Variants in ANAPC5 observed in about 807,000 individuals in gnomAD.
ANAPC5 encodes anaphase-promoting complex subunit 5.
A neutral mutation model predicts 91.3 loss-of-function variants in ANAPC5; 60 were observed. The observed-to-expected ratio is 0.66, with a 90% CI of 0.53 to 0.81. The LOEUF (loss-of-function observed/expected upper bound fraction) is 0.81, where lower values mean the gene tolerates loss of function less well. ANAPC5 is among the 40% of genes least tolerant of loss of function. The pLI is 0.00. For synonymous variants in ANAPC5, 340 were observed against 364.1 expected (o/e 0.93, Z 0.75); for missense variants, 690 against 931.5 (o/e 0.74, Z 3.37).
At chr12:121,312,290 G>A (rs554040384) in intron 15 of ANAPC5, among the ~76,000 whole-genome samples, 10 of 152,212 alleles carry the variant, frequency 6.6e-5, no homozygotes, top group African/African-American at 2.2e-4. Context: ...CTGGCTGGGC[G>A]CAGTGGCTCA....
Position 121,348,046 on chromosome 12 carries a change from T to C in ANAPC5, c.208-165A>G, listed in dbSNP as rs141586075. 2.0e-5 allele frequency among the ~76,000 whole-genome samples: 3 copies of C among 152,320 alleles called. No individual in the cohort carries two copies. In the East Asian group the frequency reaches 5.8e-4, roughly 29 times the overall value. ...AAAACACTAAAGTAATACTTCACAT[T>C]TGCATACCATTTTTGTCTAGTCAGT... On this transcript the variant is annotated intron_variant, in intron 1 of 16. Coordinates refer to ENST00000261819, the MANE Select transcript of ANAPC5 (RefSeq NM_016237.5).
rs1457893939 is a variant in ANAPC5, at chr12:121,309,727, G to A, written c.2030C>T (p.Ser677Phe). 1 of 1,613,880 alleles carries A rather than the reference G, an allele frequency of 6.2e-7. No individual in the cohort carries two copies. Among genetic ancestry groups the A allele is most frequent in the African/African-American group, 1.3e-5 (1 of 74,900 alleles). The change falls in exon 16 of 17, where the codon TCC becomes TTC. Residue 677 changes from serine to phenylalanine, a missense_variant. This residue lies in a region of ANAPC5 where 317 missense variants were observed against 438.7 expected (regional missense o/e 0.72). Coordinates refer to ENST00000261819, the MANE Select transcript of ANAPC5 (RefSeq NM_016237.5). ...TTCTGCTTTCTTCGGCTGATCGTAG[G>A]AAGCTGCTGAAGCCACCTGGCACTT... ...VAKCQVASAA[S>F]YDQPKKAEAL...
At position 121,335,632 on chromosome 12, in the gene ANAPC5, G is replaced by C; in HGVS notation, c.851C>G (p.Thr284Ser). ...CCCATTACTTTTGCTTTCGGCTCCG[G>C]TAAGAATCAGACGATCAAAATAATG... ...LLHYFDRLIL[T>S]GAESKSNGEE... The change falls in exon 7 of 17, where the codon ACC becomes AGC. Residue 284 changes from threonine to serine, a missense_variant. Coordinates refer to ENST00000261819, the MANE Select transcript of ANAPC5 (RefSeq NM_016237.5). The C allele has an allele frequency of 3.1e-6, 5 of 1,614,146 alleles. No homozygotes were observed. Among genetic ancestry groups the C allele is most frequent in the Non-Finnish European group, 4.2e-6 (5 of 1,179,982 alleles).
chr12:121,314,320 ACCTGGGAGACAG>A (rs1374305002), intron 15 of ANAPC5, among the ~76,000 whole-genome samples: 4 of 152,106 alleles, frequency 2.6e-5, no homozygotes, highest in African/African-American at 2.4e-5. Flanking sequence ...AACTGCTTGA[ACCTGGGAGACAG>A]CCTGGGAGAC....
chr12:121,351,941 T>C (rs1452365815), intron 1 of ANAPC5, among the ~76,000 whole-genome samples, 193 bp downstream of exon 1: 1 of 150,428 alleles, frequency 6.6e-6, no homozygotes, highest in Non-Finnish European at 1.5e-5. Context: ...AAAAAATGCA[T>C]GTAAAGCGCC....
At chr12:121,338,984 T>C (rs1903345982) in intron 5 of ANAPC5, among the ~76,000 whole-genome samples, 1 of 151,866 alleles carries the variant, frequency 6.6e-6, no homozygotes, top group Non-Finnish European at 1.5e-5. Context: ...ATATGATATG[T>C]AACTTTATTT....
In ANAPC5 at chr12:121,342,273, G is replaced by C. The variant is rs142401708; in HGVS notation, c.591-204C>G. On this transcript the variant is annotated intron_variant, in intron 4 of 16. Transcript: ENST00000261819. This position sits in a 1 kb window ranked among gnomAD's most constrained non-coding sequence, Gnocchi z 4.1. ...AAGCCCTGGCATGCATGGTCAAATG[G>C]TTTTTGGCAACAGTGCCAAGACCAT... is the stretch of plus-strand genomic sequence containing the variant. Among the ~76,000 whole-genome samples the C allele has an allele frequency of 6.8e-3, 1,036 of 152,254 alleles. 13 individuals are homozygous for C. The highest frequency in any genetic ancestry group is 0.035 in the South Asian group (171 of 4,824).
In ANAPC5 at chr12:121,324,013, G is replaced by A. The variant is rs781786573; in HGVS notation, c.1440+3083C>T. On this transcript the variant is annotated intron_variant, in intron 11 of 16. Transcript: ENST00000261819. Reference sequence around the variant, plus strand: ...AAAAAGAATTCACTCTACCTCCTCTGGGTTGCAAGAGGAAGCTCAGAAAGC... The same window carrying A: ...AAAAAGAATTCACTCTACCTCCTCTAGGTTGCAAGAGGAAGCTCAGAAAGC... Among the ~76,000 whole-genome samples the A allele has an allele frequency of 7.9e-5, 12 of 152,178 alleles. No homozygotes were observed. In the South Asian group the frequency reaches 1.0e-3, roughly 13 times the overall value.
At chr12:121,337,468 C>T (rs1555273622) in intron 5 of ANAPC5, 76 bp from the exon 6 acceptor site, 12 of 1,136,076 alleles carry the variant, frequency 1.1e-5, no homozygotes, top group East Asian at 9.8e-5. Context: ...ACTAGCATCA[C>T]CTGATTATTT....
chr12:121,316,749 A>AG (rs1566180243), intron 15 of ANAPC5, among the ~76,000 whole-genome samples: 1 of 150,900 alleles, frequency 6.6e-6, no homozygotes, highest in African/African-American at 2.4e-5. Context: ...AAAAAAAAAA[A>AG]AAAAAAAAGA....
At position 121,342,178 on chromosome 12, in the gene ANAPC5, C is replaced by T. The variant is rs1903485701; in HGVS notation, c.591-109G>A. Reference sequence around the variant, plus strand: ...TATCGAAAGAGTTCAAAAAATTTAACTCTCTCCTCAGAACTAGGAAAGAAA... The same window carrying T: ...TATCGAAAGAGTTCAAAAAATTTAATTCTCTCCTCAGAACTAGGAAAGAAA... On this transcript the variant is annotated intron_variant, in intron 4 of 16. Coordinates refer to ENST00000261819, the MANE Select transcript of ANAPC5 (RefSeq NM_016237.5). This position sits in a 1 kb window ranked among gnomAD's most constrained non-coding sequence, Gnocchi z 4.1. 2 of 772,662 alleles carry T rather than the reference C, an allele frequency of 2.6e-6. No individual in the cohort carries two copies. The highest frequency in any genetic ancestry group is 4.1e-6 in the Non-Finnish European group (2 of 487,556). The allele number at this position is 772,662 out of a possible 1,614,324, so 47.9% of individuals were successfully genotyped here.
rs533209176 is a variant in ANAPC5 at position 121,341,848 on chromosome 12, C to T, written c.657+155G>A. The stretch of plus-strand genomic sequence containing the variant: ...AAGGGGCACAGAGCTACAAGTGCTT[C>T]GTTAGTGAGGCAGAGGGGACCAAGA... On this transcript the variant is annotated intron_variant, in intron 5 of 16. Transcript: ENST00000261819. Among the ~76,000 whole-genome samples the T allele has an allele frequency of 3.3e-5, 5 of 152,192 alleles. No individual in the cohort carries two copies. In the East Asian group the frequency reaches 7.7e-4, roughly 24 times the overall value.
chr12:121,317,457 C>A (rs931550646), intron 15 of ANAPC5, among the ~76,000 whole-genome samples: 20 of 151,756 alleles, frequency 1.3e-4, no homozygotes, highest in African/African-American at 4.8e-4. Context: ...TTTCACCATG[C>A]TGGCCAGGCT....
At chr12:121,339,045 CTTTT>C (rs1213176603) in intron 5 of ANAPC5, among the ~76,000 whole-genome samples, 1 of 145,580 alleles carries the variant, frequency 6.9e-6, no homozygotes, top group African/African-American at 2.5e-5. Context: ...TCAAATATGA[CTTTT>C]TTTTCTTTTT....
chr12:121,341,278 T>C (rs1224601993), intron 5 of ANAPC5, among the ~76,000 whole-genome samples: 1 of 152,180 alleles, frequency 6.6e-6, no homozygotes, highest in African/African-American at 2.4e-5. Context: ...AAGACCAGCC[T>C]GGCCAATGTG....
intron 7 of ANAPC5, 124 bp from the exon 8 acceptor site, chr12:121,331,552 T>C: frequency 1.4e-6 from 1 of 704,956 alleles, no homozygotes; most frequent in Non-Finnish European, 2.3e-6. Flanking sequence ...CTGTAACTAT[T>C]TCTGGGCTTA....
At chr12:121,330,905 C>T (rs1212142023) in intron 8 of ANAPC5, 3 of 452,340 alleles carry the variant, frequency 6.6e-6, no homozygotes, top group East Asian at 4.1e-5. Flanking sequence ...CACTGAGTGG[C>T]AGGTGTTTCA....
chr12:121,327,052 G>C, intron 11 of ANAPC5, 44 bp downstream of exon 11: 1 of 1,552,340 alleles, frequency 6.4e-7, no homozygotes, highest in Non-Finnish European at 8.7e-7. Context: ...AAATGGTAGA[G>C]CCTCCATTGC....
chr12:121,341,976 T>A, intron 5 of ANAPC5, 27 bp downstream of exon 5: 1 of 1,573,466 alleles, frequency 6.4e-7, no homozygotes, highest in Non-Finnish European at 8.7e-7. Context: ...GAACAGAAGT[T>A]CATGATAAAT....
Sources: allele counts gnomAD v4.1 joint callset (sites outside exome capture counted in the v4.1 genomes callset), GRCh38; gene constraint gnomAD v4.1.1; regional missense constraint gnomAD v4.1.1; non-coding constraint Gnocchi (gnomAD v3.1); transcripts MANE v1.5; gene names NCBI Gene and HGNC (gene_info 2026-07-23, HGNC 2026-07-21).